Variants in CAMSAP2 observed in about 807,000 individuals in gnomAD.
CAMSAP2 encodes calmodulin-regulated spectrin-associated protein 2.
Under a neutral mutation model 146.1 loss-of-function variants are expected in CAMSAP2, and 26 were observed. The ratio of observed to expected loss-of-function variants is 0.18; its 90% CI spans 0.13 to 0.25. The LOEUF (loss-of-function observed/expected upper bound fraction) is 0.25, where lower values mean the gene tolerates loss of function less well. Among genes scored for constraint, CAMSAP2 ranks in the 10% least tolerant of loss-of-function variants. The pLI, the probability that CAMSAP2 is intolerant of heterozygous loss-of-function variation, is 1.00. For synonymous variants in CAMSAP2, 499 were observed against 596.6 expected (o/e 0.84, Z 2.38); for missense variants, 1,381 against 1,759.3 (o/e 0.78, Z 3.85).
chr1:200,758,467 G>A (rs763856218), intron 1 of CAMSAP2, among the ~76,000 whole-genome samples: 1 of 152,106 alleles, frequency 6.6e-6, no homozygotes, highest in Non-Finnish European at 1.5e-5. Flanking sequence ...TCACCATCAC[G>A]CTGAGGCAGC....
chr1:200,750,855 G>A (rs986439439), intron 1 of CAMSAP2, among the ~76,000 whole-genome samples: 15 of 149,982 alleles, frequency 1.0e-4, no homozygotes, highest in Non-Finnish European at 1.5e-4. Context: ...CATCTGCCTC[G>A]GCCTTCCAAA....
chr1:200,766,284 C>T (rs910444053), intron 2 of CAMSAP2, among the ~76,000 whole-genome samples: 38 of 151,910 alleles, frequency 2.5e-4, no homozygotes, highest in African/African-American at 8.7e-4. Context: ...GCTGGGTCTG[C>T]AGACGTGCAC....
intron 2 of CAMSAP2, among the ~76,000 whole-genome samples, chr1:200,782,740 C>T (rs1036224222): frequency 4.7e-5 from 7 of 149,422 alleles, no homozygotes; most frequent in Non-Finnish European, 7.4e-5. Flanking sequence ...TTAGAAATAA[C>T]GCAGCTATGA....
intron 2 of CAMSAP2, among the ~76,000 whole-genome samples, chr1:200,791,031 G>T (rs1026205304): frequency 5.1e-4 from 77 of 152,178 alleles, no homozygotes; most frequent in African/African-American, 1.8e-3. Flanking sequence ...TTTTAGTAGG[G>T]ATGGGGTTTC....
In CAMSAP2 at chr1:200,783,153, C is replaced by T. The variant is rs375992900; in HGVS notation, c.399+22055C>T. ...CAAAGTGGTTGTACTTTCTATTTCACCACCAGCAATGTCTGAGCGTTCCAG... is the reference window on the plus strand; with the variant it reads ...CAAAGTGGTTGTACTTTCTATTTCATCACCAGCAATGTCTGAGCGTTCCAG... On this transcript the variant is annotated intron_variant, in intron 2 of 16. Transcript: ENST00000358823. Among the ~76,000 whole-genome samples the T allele has an allele frequency of 7.7e-4, 118 of 152,300 alleles. No individual in the cohort carries two copies. In the South Asian group the frequency reaches 8.3e-3, roughly 11 times the overall value.
At chr1:200,809,455 G>T (rs1666267533) in intron 3 of CAMSAP2, among the ~76,000 whole-genome samples, 1 of 152,120 alleles carries the variant, frequency 6.6e-6, no homozygotes, top group East Asian at 1.9e-4. Context: ...CAGAATACCT[G>T]AGCCGGGCTC....
intron 1 of CAMSAP2, among the ~76,000 whole-genome samples, chr1:200,752,601 A>C (rs1264978921): frequency 1.3e-5 from 2 of 148,650 alleles, no homozygotes; most frequent in East Asian, 3.9e-4. Context: ...CATGCTTTGC[A>C]TTTAGTTGTC....
chr1:200,766,115 G>C (rs1214317171), intron 2 of CAMSAP2, among the ~76,000 whole-genome samples: 1 of 149,434 alleles, frequency 6.7e-6, no homozygotes, highest in Non-Finnish European at 1.5e-5. Flanking sequence ...TTTATCTATT[G>C]TTTATTTATG....
intron 1 of CAMSAP2, among the ~76,000 whole-genome samples, chr1:200,750,331 G>A (rs1225111587): frequency 2.0e-5 from 3 of 152,086 alleles, no homozygotes; most frequent in South Asian, 2.1e-4. Context: ...TGACTTGTTC[G>A]GCTCGATGGA....
Position 200,755,539 on chromosome 1 carries a change from G to A in CAMSAP2, c.140-5300G>A, listed in dbSNP as rs926633230. On this transcript the variant is annotated intron_variant, in intron 1 of 16. Coordinates refer to ENST00000358823, the MANE Select transcript of CAMSAP2 (RefSeq NM_203459.4). The stretch of plus-strand genomic sequence containing the variant: ...CAGAAGAGGTGCTTTGGCCTTATAG[G>A]GTAATGGGAGGAGTAGAGGTGATAA... Among the ~76,000 whole-genome samples, 6 of 152,178 alleles carry A rather than the reference G, an allele frequency of 3.9e-5. No individual in the cohort carries two copies. In the East Asian group the frequency reaches 9.6e-4, roughly 24 times the overall value.
chr1:200,843,587 C>G (rs1368281883), intron 7 of CAMSAP2, among the ~76,000 whole-genome samples: 1 of 152,170 alleles, frequency 6.6e-6, no homozygotes, highest in Admixed American at 6.5e-5. Context: ...TGTGATTTCA[C>G]CTGTGAAGCT....
At chr1:200,751,134 C>T (rs1009479090) in intron 1 of CAMSAP2, among the ~76,000 whole-genome samples, 1 of 150,688 alleles carries the variant, frequency 6.6e-6, no homozygotes, top group African/African-American at 2.4e-5. Flanking sequence ...AACTCCTGAC[C>T]TCAAGTGATC....
At chr1:200,790,529 T>C (rs1665720701) in intron 2 of CAMSAP2, among the ~76,000 whole-genome samples, 1 of 152,198 alleles carries the variant, frequency 6.6e-6, no homozygotes, top group South Asian at 2.1e-4. Context: ...GTTTTCCTTC[T>C]CCAGCACTGG....
chr1:200,750,892 C>T (rs1408852068), intron 1 of CAMSAP2, among the ~76,000 whole-genome samples: 5 of 139,612 alleles, frequency 3.6e-5, no homozygotes, highest in African/African-American at 1.3e-4. Context: ...CATGAGCCAC[C>T]GCGCCTGCCT....
intron 2 of CAMSAP2, among the ~76,000 whole-genome samples, chr1:200,793,422 A>T (rs1257818015): frequency 1.3e-5 from 2 of 152,170 alleles, no homozygotes. Flanking sequence ...TGTATAACTG[A>T]GTTACTAGGA....
At chr1:200,816,611 T>A (rs201304708) in intron 4 of CAMSAP2, among the ~76,000 whole-genome samples, 25,249 of 109,944 alleles carry the variant, frequency 0.23, 3,602 homozygotes, top group Non-Finnish European at 0.25. Context: ...AAAAAATATA[T>A]ATATATATAT....
intron 4 of CAMSAP2, among the ~76,000 whole-genome samples, chr1:200,829,927 C>CA (rs1038447722): frequency 4.7e-5 from 7 of 148,830 alleles, no homozygotes; most frequent in Non-Finnish European, 7.4e-5. Context: ...ACGCTATCTC[C>CA]AAAAAAAATA....
intron 11 of CAMSAP2, among the ~76,000 whole-genome samples, chr1:200,852,149 T>C (rs1302255668): frequency 6.6e-6 from 1 of 152,246 alleles, no homozygotes; most frequent in African/African-American, 2.4e-5. Flanking sequence ...GGGATGTTTT[T>C]ACTTGAGGTA....
chr1:200,824,570 C>T (rs1425278437), intron 4 of CAMSAP2, among the ~76,000 whole-genome samples: 1 of 152,136 alleles, frequency 6.6e-6, no homozygotes, highest in Non-Finnish European at 1.5e-5. Flanking sequence ...CAGGACTTCC[C>T]CTTCCACAGT....
Sources: allele counts gnomAD v4.1 joint callset (sites outside exome capture counted in the v4.1 genomes callset), GRCh38; gene constraint gnomAD v4.1.1; transcripts MANE v1.5; gene names NCBI Gene and HGNC (gene_info 2026-07-23, HGNC 2026-07-21).